The following GPR39 variants were observed in gnomAD, a reference collection of about 807,000 sequenced individuals.
The protein encoded by GPR39 is G protein-coupled receptor 39.
In GPR39, 23 loss-of-function variants were observed where a neutral mutation model predicts 18.4. That is an observed-to-expected ratio of 1.25 (90% CI 0.90 to 1.77). The LOEUF (loss-of-function observed/expected upper bound fraction) is 1.77, where lower values mean the gene tolerates loss of function less well. Among genes scored for constraint, GPR39 ranks in the 40% most tolerant of loss-of-function variants. The probability of loss-of-function intolerance (pLI) is 0.00; values close to 1 mark genes in which losing one functional copy is unlikely to be tolerated. For missense variants in GPR39, 647 were observed against 602.4 expected (o/e 1.07, Z -0.78); for synonymous variants, 280 against 257.9 (o/e 1.09, Z -0.82).
chr2:132,418,748 C>T (rs773130112), intron 1 of GPR39, among the ~76,000 whole-genome samples: 3 of 152,116 alleles, frequency 2.0e-5, no homozygotes, highest in Non-Finnish European at 4.4e-5. Flanking sequence ...GGCTGGGAGA[C>T]AAGGCTTTAA....
intron 1 of GPR39, among the ~76,000 whole-genome samples, chr2:132,574,165 A>G (rs886827975): frequency 4.6e-5 from 7 of 152,188 alleles, no homozygotes; most frequent in Admixed American, 3.3e-4. Context: ...GATGTTTCCA[A>G]TGTCTTGTCA....
At chr2:132,495,197 G>T (rs867667462) in intron 1 of GPR39, among the ~76,000 whole-genome samples, 1 of 152,202 alleles carries the variant, frequency 6.6e-6, no homozygotes. Context: ...GTTCTAGAAG[G>T]CTCCATGGAG....
At chr2:132,598,108 G>C (rs1680978676) in intron 1 of GPR39, among the ~76,000 whole-genome samples, 1 of 152,240 alleles carries the variant, frequency 6.6e-6, no homozygotes. Flanking sequence ...AGCCTGATTT[G>C]CTGCACCCTG....
chr2:132,570,188 T>G lies in GPR39; in HGVS notation c.857-74913T>G, dbSNP rs142915085. On this transcript the variant is annotated intron_variant, in intron 1 of 1. Transcript: ENST00000329321. ...CCCAGTGTCTACAGTCCTTGTTTCC[T>G]CCTTTCTTTCTTCCACCTTTATCCA... Among the ~76,000 whole-genome samples the G allele has an allele frequency of 9.2e-4, 140 of 152,174 alleles. No individual in the cohort carries two copies. In the Middle Eastern group the frequency reaches 0.017, roughly 18 times the overall value.
At chr2:132,538,498 A>G (rs1679801312) in intron 1 of GPR39, among the ~76,000 whole-genome samples, 1 of 152,146 alleles carries the variant, frequency 6.6e-6, no homozygotes, top group African/African-American at 2.4e-5. Flanking sequence ...CCCTTTTGGG[A>G]GGTCTTTCCC....
intron 1 of GPR39, among the ~76,000 whole-genome samples, chr2:132,596,071 C>T (rs1014659357): frequency 7.9e-5 from 12 of 152,162 alleles, no homozygotes; most frequent in African/African-American, 1.9e-4. Context: ...CTGGCCTGCA[C>T]CCCAGCACAG....
chr2:132,553,164 A>G (rs1680080484), intron 1 of GPR39, among the ~76,000 whole-genome samples: 1 of 151,188 alleles, frequency 6.6e-6, no homozygotes, highest in South Asian at 2.1e-4. Context: ...GACCTCAACT[A>G]TGCCTCCCAA....
intron 1 of GPR39, among the ~76,000 whole-genome samples, chr2:132,638,427 C>T (rs1681803148): frequency 6.6e-6 from 1 of 152,190 alleles, no homozygotes; most frequent in South Asian, 2.1e-4. Flanking sequence ...CTTGTTAACC[C>T]CAGATTGTGG....
At chr2:132,429,991 A>G (rs1680195397) in intron 1 of GPR39, among the ~76,000 whole-genome samples, 1 of 152,236 alleles carries the variant, frequency 6.6e-6, no homozygotes, top group Admixed American at 6.5e-5. Flanking sequence ...GATTCAGACT[A>G]TGTATTGGAG....
rs546261784 is a variant in GPR39, at chr2:132,562,976, G to A, written c.857-82125G>A. Among the ~76,000 whole-genome samples the A allele has an allele frequency of 3.9e-5, 6 of 152,208 alleles. No individual in the cohort carries two copies. In the South Asian group the frequency reaches 8.3e-4, roughly 21 times the overall value. On this transcript the variant is annotated intron_variant, in intron 1 of 1. Coordinates refer to ENST00000329321, the MANE Select transcript of GPR39 (RefSeq NM_001508.3). ...GTGAAAATGCAATCCCTAAAAAAGC[G>A]GCATTATTCCCAAAGAGCCTGGCAG...
At chr2:132,615,212 G>A (rs1440500190) in intron 1 of GPR39, among the ~76,000 whole-genome samples, 1 of 152,184 alleles carries the variant, frequency 6.6e-6, no homozygotes, top group Non-Finnish European at 1.5e-5. Context: ...ATCAGGAGCT[G>A]TGATAACTCA....
intron 1 of GPR39, among the ~76,000 whole-genome samples, chr2:132,423,282 CCTT>C (rs1680049462): frequency 6.7e-6 from 1 of 150,164 alleles, no homozygotes; most frequent in Admixed American, 6.6e-5. Flanking sequence ...CCTGACCTGG[CCTT>C]CTCTGCACAT....
intron 1 of GPR39, among the ~76,000 whole-genome samples, chr2:132,430,071 C>T (rs1377361541): frequency 6.6e-6 from 1 of 152,186 alleles, no homozygotes; most frequent in Admixed American, 6.5e-5. Context: ...CTGATGTGGC[C>T]ATGTGGCCAA....
At chr2:132,613,725 T>C (rs1370701882) in intron 1 of GPR39, among the ~76,000 whole-genome samples, 2 of 152,252 alleles carry the variant, frequency 1.3e-5, no homozygotes, top group Non-Finnish European at 2.9e-5. Flanking sequence ...CCTCATCTTG[T>C]TCTTTCTCAT....
At chr2:132,493,486 AC>A (rs1161847698) in intron 1 of GPR39, among the ~76,000 whole-genome samples, 3 of 130,596 alleles carry the variant, frequency 2.3e-5, no homozygotes, top group Non-Finnish European at 4.7e-5. Flanking sequence ...ATATATATAC[AC>A]CATATATATA....
intron 1 of GPR39, among the ~76,000 whole-genome samples, chr2:132,486,736 GT>G (rs1351663653): frequency 6.6e-6 from 1 of 152,212 alleles, no homozygotes; most frequent in Non-Finnish European, 1.5e-5. Flanking sequence ...AGGGAATGTA[GT>G]GGCTGGTTTG....
At chr2:132,489,061 G>T in intron 1 of GPR39, 1 of 197,948 alleles carries the variant, frequency 5.1e-6, no homozygotes, top group South Asian at 1.1e-4. Flanking sequence ...CAGGGCCTGT[G>T]ACACTTGCTG....
intron 1 of GPR39, among the ~76,000 whole-genome samples, chr2:132,447,361 G>A (rs1458543661): frequency 2.0e-5 from 3 of 152,204 alleles, no homozygotes; most frequent in African/African-American, 7.2e-5. Context: ...GTAAAGAGGA[G>A]CTGGCTAATA....
chr2:132,525,917 A>G (rs1679499313), intron 1 of GPR39, among the ~76,000 whole-genome samples: 1 of 152,220 alleles, frequency 6.6e-6, no homozygotes, highest in South Asian at 2.1e-4. Flanking sequence ...ATGCTCCATG[A>G]AAGTGGACAC....
Sources: allele counts gnomAD v4.1 joint callset (sites outside exome capture counted in the v4.1 genomes callset), GRCh38; gene constraint gnomAD v4.1.1; transcripts MANE v1.5; gene names NCBI Gene and HGNC (gene_info 2026-07-23, HGNC 2026-07-21).